The following ZC3H12B variants were observed in gnomAD, a reference collection of about 807,000 sequenced individuals.
The protein encoded by ZC3H12B is probable ribonuclease ZC3H12B.
In ZC3H12B, 7 loss-of-function variants were observed where a neutral mutation model predicts 43.9. The ratio of observed to expected loss-of-function variants is 0.16; its 90% CI spans 0.09 to 0.30. The LOEUF (loss-of-function observed/expected upper bound fraction) is 0.30, where lower values mean the gene tolerates loss of function less well. Ranked by LOEUF, ZC3H12B falls within the 10% of genes least tolerant of loss-of-function variation. The probability of loss-of-function intolerance (pLI) is 1.00; values close to 1 mark genes in which losing one functional copy is unlikely to be tolerated. For missense variants in ZC3H12B, 475 were observed against 670.2 expected (o/e 0.71, Z 3.22); for synonymous variants, 222 against 241.7 (o/e 0.92, Z 0.76).
chrX:65,472,825 G>GATATATATATATATATATATATAT (rs58372328), intron 3 of ZC3H12B, among the ~76,000 whole-genome samples: 1 of 31,562 alleles, frequency 3.2e-5, no homozygotes, highest in African/African-American at 2.1e-4. Context: ...CCATACCTTT[G>GATATATATATATATATATATATAT]ATATATATAT....
At chrX:65,195,537 A>T in the ZC3H12B span, among the ~76,000 whole-genome samples, 3 of 112,090 alleles carry the variant, frequency 2.7e-5, no homozygotes, top group East Asian at 5.6e-4. Context: ...TGTATATCTT[A>T]TTGTACTATC....
chrX:65,159,968 A>G, the ZC3H12B span, among the ~76,000 whole-genome samples: 1 of 112,025 alleles, frequency 8.9e-6, no homozygotes, highest in Non-Finnish European at 1.9e-5. Context: ...AAATTTTAGC[A>G]TGAAGGGCTG....
At chrX:65,372,497 AAGGAAAGGAAGG>A (rs1255456795) in intron 2 of ZC3H12B, among the ~76,000 whole-genome samples, 2 of 91,622 alleles carry the variant, frequency 2.2e-5, no homozygotes, top group Non-Finnish European at 4.2e-5. Flanking sequence ...GGAAGGAAGG[AAGGAAAGGAAGG>A]AAGGAAGGAA....
At chrX:65,123,159 G>T in the ZC3H12B span, among the ~76,000 whole-genome samples, 3 of 110,365 alleles carry the variant, frequency 2.7e-5, no homozygotes, top group South Asian at 1.1e-3. Flanking sequence ...TTTGTCCTAG[G>T]CCTTTTCTGG....
the ZC3H12B span, among the ~76,000 whole-genome samples, chrX:65,066,197 G>T: frequency 9.0e-6 from 1 of 110,723 alleles, no homozygotes; most frequent in South Asian, 3.9e-4. Flanking sequence ...GCAAGGAGTT[G>T]TGACCCTTTG....
At chrX:65,164,858 T>A in the ZC3H12B span, among the ~76,000 whole-genome samples, 2 of 112,123 alleles carry the variant, frequency 1.8e-5, no homozygotes, top group Non-Finnish European at 3.8e-5. Context: ...TAAAGAATGT[T>A]AGAGCACAGG....
chrX:65,293,200 C>A, the ZC3H12B span, among the ~76,000 whole-genome samples: 4 of 110,877 alleles, frequency 3.6e-5, no homozygotes, highest in Admixed American at 2.9e-4. Flanking sequence ...TTCTCAGTAC[C>A]ACCCTGGAGT....
chrX:65,188,577 G>T, the ZC3H12B span, among the ~76,000 whole-genome samples: 1 of 110,496 alleles, frequency 9.1e-6, no homozygotes, highest in South Asian at 3.8e-4. Context: ...ATGATATTCA[G>T]CACCTTTTCA....
chrX:65,462,066 GA>G (rs1172121383), intron 3 of ZC3H12B, among the ~76,000 whole-genome samples: 2 of 110,008 alleles, frequency 1.8e-5, no homozygotes, highest in African/African-American at 3.3e-5. Context: ...TAACACTGAA[GA>G]AAAAAAGATC....
At chrX:65,484,841 C>G (rs1246585807), upstream of ZC3H12B, among the ~76,000 whole-genome samples, 1 of 111,873 alleles carries the variant, frequency 8.9e-6, no homozygotes, top group Non-Finnish European at 1.9e-5. Flanking sequence ...TTTAGTAGAA[C>G]CTGAAGACTA....
At chrX:65,088,287 TG>T in the ZC3H12B span, among the ~76,000 whole-genome samples, 1 of 111,348 alleles carries the variant, frequency 9.0e-6, no homozygotes, top group African/African-American at 3.3e-5. Flanking sequence ...AGAGTTCCTC[TG>T]GGGGGGCTTT....
At chrX:65,057,479 T>A in the ZC3H12B span, among the ~76,000 whole-genome samples, 2 of 112,018 alleles carry the variant, frequency 1.8e-5, no homozygotes, top group East Asian at 2.8e-4. Flanking sequence ...CTTCCCTTTG[T>A]GGGTAACCCG....
At chrX:65,101,516 G>A in the ZC3H12B span, among the ~76,000 whole-genome samples, 6 of 111,634 alleles carry the variant, frequency 5.4e-5, no homozygotes, top group Non-Finnish European at 1.1e-4. Context: ...AAGAAGAAAA[G>A]AGAGAAGAAT....
chrX:65,357,139 C>T, the ZC3H12B span: 1 of 477,824 alleles, frequency 2.1e-6, no homozygotes, highest in African/African-American at 2.4e-5. Context: ...CACATGGGGG[C>T]TCTGTCCTGA....
the ZC3H12B span, among the ~76,000 whole-genome samples, chrX:65,137,343 G>A: frequency 8.9e-6 from 1 of 111,775 alleles, no homozygotes; most frequent in Non-Finnish European, 1.9e-5. Context: ...ATGAGTAAAG[G>A]GAAAAATTAA....
the ZC3H12B span, among the ~76,000 whole-genome samples, chrX:65,335,688 G>T: frequency 1.8e-5 from 2 of 111,868 alleles, no homozygotes; most frequent in Non-Finnish European, 1.9e-5. Flanking sequence ...AGCCTTAACT[G>T]CCAGACTACA....
At chrX:65,308,571 C>G in the ZC3H12B span, among the ~76,000 whole-genome samples, 1 of 111,425 alleles carries the variant, frequency 9.0e-6, no homozygotes, top group Non-Finnish European at 1.9e-5. Flanking sequence ...CAGTATGAGA[C>G]AGATCAATGA....
chrX:65,246,216 G>A, the ZC3H12B span, among the ~76,000 whole-genome samples: 7 of 111,092 alleles, frequency 6.3e-5, no homozygotes, highest in Admixed American at 6.7e-4. Flanking sequence ...GGAGGTGAAA[G>A]GTCTCTATGG....
intron 3 of ZC3H12B, among the ~76,000 whole-genome samples, chrX:65,425,434 T>C (rs2067069054): frequency 9.0e-6 from 1 of 111,509 alleles, no homozygotes; most frequent in South Asian, 3.8e-4. Context: ...TGATACCCTC[T>C]ATTCCTTTTT....
Sources: gnomAD v4.1 joint callset for allele counts (sites outside exome capture counted in the v4.1 genomes callset) on GRCh38, gnomAD v4.1.1 for gene constraint, MANE v1.5 for transcripts, NCBI Gene and HGNC (gene_info 2026-07-23, HGNC 2026-07-21) for gene names.